Variants in ADH4 observed in about 807,000 individuals in gnomAD.
ADH4 encodes the protein alcohol dehydrogenase 4 (class II), pi polypeptide.
Under a neutral mutation model 35.2 loss-of-function variants are expected in ADH4, and 31 were observed. The ratio of observed to expected loss-of-function variants is 0.88; its 90% CI spans 0.66 to 1.19. The LOEUF (loss-of-function observed/expected upper bound fraction) is 1.19. ADH4 is among the 50% of genes most tolerant of loss of function. The pLI is 0.00. For missense variants in ADH4, 476 were observed against 458.3 expected (o/e 1.04, Z -0.35); for synonymous variants, 171 against 160.2 (o/e 1.07, Z -0.51).
rs577777303 is a variant in ADH4, at chr4:99,124,582, C to T, written c.1119-116G>A. 1.8e-5 allele frequency: 11 copies of T among 615,852 alleles called. 1 individual carries two copies. In the South Asian group the frequency reaches 2.0e-4, roughly 11 times the overall value. 38.1% of individuals were successfully genotyped at this position (615,852 alleles called of 1,614,324 possible). On this transcript the variant is annotated intron_variant, in intron 8 of 8. Transcript: ENST00000265512. ...TCTGGTCTTCCTTTATAGACATTCA[C>T]TTTATTAAGCCTAATTTCTTTTATC...
chr4:99,136,666 G>C lies in ADH4; in HGVS notation c.382C>G (p.Leu128Val). 1 of 1,613,712 alleles carries C rather than the reference G, an allele frequency of 6.2e-7. No individual in the cohort carries two copies. Residue 128 changes from leucine to valine, a missense_variant, in exon 5 of 9, where the codon CTA becomes GTA. Transcript: ENST00000265512. Reference sequence around the variant, plus strand: ...AACCTGCTGGTTTTGTCTTCCATTAGTTGTTGATCACTAGCAGGACTTTTG... The same window carrying C: ...AACCTGCTGGTTTTGTCTTCCATTACTTGTTGATCACTAGCAGGACTTTTG... The part of the protein sequence containing the change: ...NLKSPASDQQ[L>V]MEDKTSRFTC...
chr4:99,139,903 G>A (rs1729558306), intron 3 of ADH4, among the ~76,000 whole-genome samples: 1 of 152,144 alleles, frequency 6.6e-6, no homozygotes, highest in Non-Finnish European at 1.5e-5. Context: ...AAAATTTTGG[G>A]AAGCAATTTG....
At chr4:99,136,413 A>C in intron 5 of ADH4, 53 bp downstream of exon 5, 1 of 1,464,366 alleles carries the variant, frequency 6.8e-7, no homozygotes, top group South Asian at 1.1e-5. Flanking sequence ...CATCTGTATC[A>C]CACTGCCTCC....
chr4:99,135,657 G>C (rs1167410647), intron 5 of ADH4, among the ~76,000 whole-genome samples: 1 of 152,188 alleles, frequency 6.6e-6, no homozygotes, highest in East Asian at 1.9e-4. Context: ...ACAGTGGAAA[G>C]GGAGAAGTAG....
At chr4:99,126,186 A>G (rs924454031) in intron 8 of ADH4, among the ~76,000 whole-genome samples, 3 of 152,204 alleles carry the variant, frequency 2.0e-5, no homozygotes, top group African/African-American at 7.2e-5. Flanking sequence ...CCACAGAGGC[A>G]TGGTTTTCAC....
intron 1 of ADH4, 94 bp downstream of exon 1, chr4:99,144,111 T>C (rs563552197): frequency 1.1e-4 from 161 of 1,411,942 alleles, no homozygotes; most frequent in Middle Eastern, 8.8e-4. Context: ...TGTAAGTCAC[T>C]GCTTCCTGAG....
chr4:99,124,918 CAA>C (rs1464637742), intron 8 of ADH4, among the ~76,000 whole-genome samples: 2 of 151,972 alleles, frequency 1.3e-5, no homozygotes, highest in Non-Finnish European at 2.9e-5. Flanking sequence ...CATGTAGACA[CAA>C]AGAGGGGGAT....
Position 99,144,185 on chromosome 4 carries a change from G to C in ADH4, c.18+20C>G, listed in dbSNP as rs748303722. The C allele has an allele frequency of 6.2e-6, 10 of 1,613,252 alleles. No homozygotes were observed. In the East Asian group the frequency reaches 2.2e-4, roughly 36 times the overall value. ...CACAGAAAAGCACAAACTGAACAAA[G>C]ATACAGCTTACTTGCTTACTTTGCC... On this transcript the variant is annotated intron_variant, in intron 1 of 8. Coordinates refer to ENST00000265512, the MANE Select transcript of ADH4 (RefSeq NM_000670.5).
chr4:99,124,341 G>C lies in ADH4; in HGVS notation c.*101C>G, dbSNP rs1173614882. ...GTTCCCATATTAAATGTAAATATTT[G>C]TTTAAACTCATGGCTTTCCTTGGTT... On this transcript the variant is annotated 3_prime_UTR_variant, in exon 9 of 9. Transcript: ENST00000265512. 2.5e-6 allele frequency: 2 copies of C among 811,892 alleles called. No individual in the cohort carries two copies. Among genetic ancestry groups the C allele is most frequent in the East Asian group, 5.5e-5 (2 of 36,570 alleles). The allele number at this position is 811,892 out of a possible 1,614,324, so 50.3% of individuals were successfully genotyped here.
chr4:99,126,538 A>G, intron 8 of ADH4, 56 bp downstream of exon 8: 1 of 1,519,706 alleles, frequency 6.6e-7, no homozygotes. Flanking sequence ...ATCAAAAAGA[A>G]GATAGAATCA....
chr4:99,131,460 A>G, intron 6 of ADH4, 44 bp downstream of exon 6: 1 of 1,589,454 alleles, frequency 6.3e-7, no homozygotes, highest in South Asian at 1.1e-5. Flanking sequence ...TTTGACAGCC[A>G]AAGAATACAT....
chr4:99,131,415 G>A (rs573663099), intron 6 of ADH4, 89 bp downstream of exon 6: 1 of 1,411,090 alleles, frequency 7.1e-7, no homozygotes, highest in Non-Finnish European at 9.6e-7. Context: ...AAAGTACTAA[G>A]TACCATAATA....
chr4:99,132,321 A>G (rs1203690531), intron 5 of ADH4, among the ~76,000 whole-genome samples: 1 of 152,154 alleles, frequency 6.6e-6, no homozygotes, highest in East Asian at 1.9e-4. Flanking sequence ...CTTTCTTCTC[A>G]TGCCGTAGTT....
At chr4:99,143,859 A>G (rs557986054) in intron 1 of ADH4, among the ~76,000 whole-genome samples, 13 of 152,300 alleles carry the variant, frequency 8.5e-5, no homozygotes, top group Admixed American at 3.3e-4. Flanking sequence ...ATTTTGTAAT[A>G]TACTTTTTCT....
At chr4:99,135,503 G>C (rs941073770) in intron 5 of ADH4, among the ~76,000 whole-genome samples, 1 of 152,152 alleles carries the variant, frequency 6.6e-6, no homozygotes, top group Non-Finnish European at 1.5e-5. Context: ...GTAGATCTCT[G>C]AGAGGAAGTG....
At chr4:99,133,177 G>T (rs910759918) in intron 5 of ADH4, among the ~76,000 whole-genome samples, 1 of 152,166 alleles carries the variant, frequency 6.6e-6, no homozygotes, top group Non-Finnish European at 1.5e-5. Flanking sequence ...ATAATATGCT[G>T]CATTACTTGT....
chr4:99,135,435 G>GA (rs1283563270), intron 5 of ADH4, among the ~76,000 whole-genome samples: 1 of 151,960 alleles, frequency 6.6e-6, no homozygotes, highest in Non-Finnish European at 1.5e-5. Context: ...TCTCAAAAAA[G>GA]AAAAAAATTT....
intron 2 of ADH4, 37 bp from the exon 3 acceptor site, chr4:99,141,719 A>G: frequency 3.8e-6 from 6 of 1,597,764 alleles, no homozygotes; most frequent in Non-Finnish European, 5.1e-6. Context: ...GTGTTTCTGC[A>G]ACTATATTAT....
intron 6 of ADH4, 33 bp downstream of exon 6, chr4:99,131,471 T>A (rs766315406): frequency 6.3e-7 from 1 of 1,596,990 alleles, no homozygotes; most frequent in East Asian, 2.2e-5. Flanking sequence ...AAGAATACAT[T>A]GAAAATATGA....
Sources: gnomAD v4.1 joint callset for allele counts (sites outside exome capture counted in the v4.1 genomes callset) on GRCh38, gnomAD v4.1.1 for gene constraint, MANE v1.5 for transcripts, NCBI Gene and HGNC (gene_info 2026-07-23, HGNC 2026-07-21) for gene names.